Variants in PSMD1 observed in about 807,000 individuals in gnomAD.
PSMD1 encodes proteasome 26S subunit, non-ATPase 1.
In PSMD1, 18 loss-of-function variants were observed where a neutral mutation model predicts 119.0. That is an observed-to-expected ratio of 0.15 (90% CI 0.10 to 0.22). The LOEUF (loss-of-function observed/expected upper bound fraction) is 0.22. Ranked by LOEUF, PSMD1 falls within the 10% of genes least tolerant of loss-of-function variation. The probability of loss-of-function intolerance (pLI) is 1.00; values close to 1 mark genes in which losing one functional copy is unlikely to be tolerated. For synonymous variants in PSMD1, 374 were observed against 396.6 expected, an observed-to-expected ratio of 0.94 and a Z score of 0.68; for missense variants, 702 against 1,158.5, an observed-to-expected ratio of 0.61 and a Z score of 5.72.
In PSMD1 at chr2:231,079,482, T is replaced by G; in HGVS notation, c.1161-54T>G. 6 of 1,270,640 alleles carry G rather than the reference T, an allele frequency of 4.7e-6. No homozygotes were observed. In the South Asian group the frequency reaches 8.0e-5, roughly 17 times the overall value. The allele number at this position is 1,270,640 out of a possible 1,614,324, so 78.7% of individuals were successfully genotyped here. A position where few individuals can be genotyped will look rare whatever the true frequency, so the allele number is the denominator to read the frequency against. On this transcript the variant is annotated intron_variant, in intron 10 of 24. Transcript: ENST00000308696. ...CTTTTAACCTTAGAGTTAAAAAGCT[T>G]TAAGGAATTCATTTGTTTTAACACT...
intron 16 of PSMD1, among the ~76,000 whole-genome samples, chr2:231,116,310 G>T (rs1210622574): frequency 1.3e-5 from 2 of 152,122 alleles, no homozygotes; most frequent in African/African-American, 4.8e-5. Flanking sequence ...AAGTAGGGTG[G>T]TAGGAAAATA....
chr2:231,079,467 T>TACTC, intron 10 of PSMD1, 69 bp from the exon 11 acceptor site: 1 of 1,077,038 alleles, frequency 9.3e-7, no homozygotes, highest in Non-Finnish European at 1.4e-6. Flanking sequence ...CTTTTAACCT[T>TACTC]AGAGTTAAAA....
At chr2:231,148,601 T>G (rs983062103) in intron 18 of PSMD1, among the ~76,000 whole-genome samples, 2 of 152,168 alleles carry the variant, frequency 1.3e-5, no homozygotes, top group Non-Finnish European at 2.9e-5. Context: ...TAATATAAAC[T>G]GGGTAGATAA....
rs77667285 is a variant in PSMD1 at position 231,125,761 on chromosome 2, A to C, written c.1884-12975A>C. Among the ~76,000 whole-genome samples the C allele has an allele frequency of 9.1e-3, 1,387 of 152,320 alleles. 5 individuals carry two copies. The highest frequency in any genetic ancestry group is 0.034 in the Middle Eastern group (10 of 294). Reference sequence around the variant, plus strand: ...AGTTATGCTATTTAAGTTTTCTGTAACCATAAGACTAGCTTAGTATTAGAA... The same window carrying C: ...AGTTATGCTATTTAAGTTTTCTGTACCCATAAGACTAGCTTAGTATTAGAA... On this transcript the variant is annotated intron_variant, in intron 16 of 24. Transcript: ENST00000308696.
chr2:231,106,658 T>C (rs1450860337), intron 16 of PSMD1, among the ~76,000 whole-genome samples: 1 of 152,148 alleles, frequency 6.6e-6, no homozygotes, highest in Non-Finnish European at 1.5e-5. Flanking sequence ...AAATTTTTCT[T>C]AAGGGTTTGA....
At chr2:231,068,578 CT>C (rs1357767179) in intron 5 of PSMD1, among the ~76,000 whole-genome samples, 3 of 152,182 alleles carry the variant, frequency 2.0e-5, no homozygotes, top group Admixed American at 1.3e-4. Flanking sequence ...CAATTCATGT[CT>C]TAAATTGTGC....
At chr2:231,136,483 A>G (rs931808064) in intron 16 of PSMD1, among the ~76,000 whole-genome samples, 2 of 152,190 alleles carry the variant, frequency 1.3e-5, no homozygotes, top group Admixed American at 6.5e-5. Context: ...GAATTACTGA[A>G]ATAGTTTTCT....
intron 18 of PSMD1, among the ~76,000 whole-genome samples, chr2:231,148,605 T>C (rs1696301151): frequency 6.6e-6 from 1 of 152,194 alleles, no homozygotes; most frequent in African/African-American, 2.4e-5. Context: ...ATAAACTGGG[T>C]AGATAAATGT....
At chr2:231,068,853 T>G (rs530345465) in intron 5 of PSMD1, among the ~76,000 whole-genome samples, 1 of 152,184 alleles carries the variant, frequency 6.6e-6, no homozygotes, top group Non-Finnish European at 1.5e-5. Context: ...TTCCTTTAAT[T>G]GAAAAAGTGA....
At position 231,139,314 on chromosome 2, in the gene PSMD1, C is replaced by CTTTTTTTT. The variant is rs60709158; in HGVS notation, c.1998+480_1998+487dup. 1.1e-3 allele frequency among the ~76,000 whole-genome samples: 102 copies of CTTTTTTTT among 93,546 alleles called. 1 individual carries two copies. Among genetic ancestry groups the CTTTTTTTT allele is most frequent in the South Asian group, 1.5e-3 (4 of 2,684 alleles). The allele number at this position is 93,546 out of a possible 152,430, so 61.4% of individuals were successfully genotyped here. Reference sequence around the variant, plus strand: ...CCACCGCACCAGGCTTTTTTTCTTTCTTTTTTTTTTTTTTTTTTTTTTTCT... The same window carrying CTTTTTTTT: ...CCACCGCACCAGGCTTTTTTTCTTTCTTTTTTTTTTTTTTTTTTTTTTTTTTTTTTTCT... On this transcript the variant is annotated intron_variant, in intron 17 of 24. Transcript: ENST00000308696.
chr2:231,145,123 A>T (rs1181813193), intron 17 of PSMD1, among the ~76,000 whole-genome samples: 4 of 152,204 alleles, frequency 2.6e-5, no homozygotes, highest in Non-Finnish European at 5.9e-5. Flanking sequence ...TGTTGGATGA[A>T]ATTATTGACT....
intron 19 of PSMD1, among the ~76,000 whole-genome samples, chr2:231,156,663 T>G (rs1367273446): frequency 1.3e-5 from 2 of 152,158 alleles, no homozygotes; most frequent in Non-Finnish European, 2.9e-5. Context: ...TTTTTCATTC[T>G]TTTTCTTTTT....
At chr2:231,070,317 A>G (rs1000327255) in intron 6 of PSMD1, 149 bp downstream of exon 6, 2 of 605,594 alleles carry the variant, frequency 3.3e-6, no homozygotes, top group Non-Finnish European at 4.8e-6. Flanking sequence ...AAAATAAGGT[A>G]TGTGCTTTAT....
chr2:231,077,035 G>A lies in PSMD1; in HGVS notation c.944G>A (p.Ser315Asn). 1.3e-6 allele frequency: 2 copies of A among 1,592,372 alleles called. No individual in the cohort carries two copies. The highest frequency in any genetic ancestry group is 8.5e-7 in the Non-Finnish European group (1 of 1,173,678). Residue 315 changes from serine to asparagine, a missense_variant and splice_region_variant, in exon 9 of 25, where the codon AGT (serine) becomes AAT (asparagine). Physicochemically the swap from Ser to Asn is conservative, Grantham distance 46. This residue lies in a region of PSMD1 where 69 missense variants were observed against 71.6 expected (regional missense o/e 0.96). Coordinates refer to ENST00000308696, the MANE Select transcript of PSMD1 (RefSeq NM_002807.4). Reference sequence around the variant, plus strand: ...TTTTTTTTTTGTTTGTTTTGGCAGAGTCCAGAGCCTAAGGACCAGACTTTG... The same window carrying A: ...TTTTTTTTTTGTTTGTTTTGGCAGAATCCAGAGCCTAAGGACCAGACTTTG... The part of the protein sequence containing the change: ...SAFVGKTPEA[S>N]PEPKDQTLKM...
At chr2:231,057,592 A>C (rs1693635182) in intron 1 of PSMD1, among the ~76,000 whole-genome samples, 1 of 152,216 alleles carries the variant, frequency 6.6e-6, no homozygotes, top group Non-Finnish European at 1.5e-5. Flanking sequence ...ACACCCAGAG[A>C]ACTTTTGGGT....
chr2:231,097,614 A>T (rs1380177047), intron 16 of PSMD1, among the ~76,000 whole-genome samples: 1 of 152,186 alleles, frequency 6.6e-6, no homozygotes, highest in Non-Finnish European at 1.5e-5. Flanking sequence ...TGGTTGTAAT[A>T]GATGTAGTTT....
intron 16 of PSMD1, chr2:231,124,102 G>C: frequency 3.8e-6 from 1 of 265,726 alleles, no homozygotes; most frequent in Non-Finnish European, 7.4e-6. Flanking sequence ...GTAGAGTCGT[G>C]TTTGAACTTG....
At chr2:231,165,063 TATA>T in intron 21 of PSMD1, 134 bp from the exon 22 acceptor site, 1 of 32,724 alleles carries the variant, frequency 3.1e-5, no homozygotes, top group South Asian at 8.0e-4. Context: ...TATATATATA[TATA>T]TATATATATA....
chr2:231,160,198 A>T (rs1438900143), intron 19 of PSMD1, among the ~76,000 whole-genome samples: 1 of 152,172 alleles, frequency 6.6e-6, no homozygotes, highest in African/African-American at 2.4e-5. Context: ...GTTAGAGGTT[A>T]AGTTTTCTTT....
Sources: gnomAD v4.1 joint callset for allele counts (sites outside exome capture counted in the v4.1 genomes callset) on GRCh38, gnomAD v4.1.1 for gene constraint, gnomAD v4.1.1 regional missense constraint, MANE v1.5 for transcripts, NCBI Gene and HGNC (gene_info 2026-07-23, HGNC 2026-07-21) for gene names.